Variants in DNAH5 observed in about 807,000 individuals in gnomAD.
DNAH5 encodes the protein axonemal beta dynein heavy chain 5.
Under a neutral mutation model 518.2 loss-of-function variants are expected in DNAH5, and 372 were observed. That is an observed-to-expected ratio of 0.72 (90% CI 0.66 to 0.78). DNAH5 has a LOEUF of 0.78. Ranked by LOEUF, DNAH5 falls within the 30% of genes least tolerant of loss-of-function variation. DNAH5 has a pLI of 0.00. For missense variants in DNAH5, 5,523 were observed against 5,687.0 expected (o/e 0.97, Z 0.93); for synonymous variants, 2,039 against 2,025.9 (o/e 1.01, Z -0.17).
Position 13,959,458 on chromosome 5 carries a change from C to G in DNAH5, c.13-28214G>C, listed in dbSNP as rs575213788. Among the ~76,000 whole-genome samples the G allele has an allele frequency of 5.3e-5, 8 of 152,330 alleles. No homozygotes were observed. The East Asian group carries it at 1.4e-3, about 26-fold the overall frequency. On this transcript the variant is annotated intron_variant, in intron 1 of 78. Coordinates refer to the DNAH5 transcript ENST00000681290. ...CCCTCATCAGGCCAACTTGGCCAAA[C>G]CAGCCCCAAGTCAGAACCAGGCTTC... is the stretch of plus-strand genomic sequence containing the variant.
In DNAH5 at chr5:13,692,065, A is replaced by G; in HGVS notation, c.13794T>C (p.Ile4598=). 6.2e-7 allele frequency: 1 copy of G among 1,614,108 alleles called. No homozygotes were observed. Among genetic ancestry groups the G allele is most frequent in the Non-Finnish European group, 8.5e-7 (1 of 1,180,000 alleles). The change falls in exon 79 of 79, where the codon ATT becomes ATC. Residue 4598 remains isoleucine (I), a synonymous_variant. Transcript: ENST00000265104. ...GGGCTGTCCTGAGATCCACAGCGGC[A>G]ATGTAGTTCAAGTCCGTTCGAACTG... ...KKPVRTDLNY[I]AAVDLRTAQT...
chr5:13,746,874 T>C lies in DNAH5; in HGVS notation c.11211+4204A>G, dbSNP rs528129207. On this transcript the variant is annotated intron_variant, in intron 65 of 78. Transcript: ENST00000265104. ...TGAGAAAGTTTAAAACTATGTACTA[T>C]CCTTGTTTTTTTTTAATATATATTT... Among the ~76,000 whole-genome samples, 3 of 152,138 alleles carry C rather than the reference T, an allele frequency of 2.0e-5. No homozygotes were observed. In the South Asian group the frequency reaches 6.2e-4, roughly 32 times the overall value.
intron 27 of DNAH5, 37 bp from the exon 28 acceptor site, chr5:13,864,674 A>G (rs750976497): frequency 2.5e-6 from 4 of 1,613,300 alleles, no homozygotes; most frequent in Non-Finnish European, 3.4e-6. Flanking sequence ...CCATTGAAAT[A>G]TGATGGTAGA....
chr5:13,916,298 T>A (rs970449168), intron 9 of DNAH5, 50 bp downstream of exon 9: 24 of 1,058,234 alleles, frequency 2.3e-5, no homozygotes, highest in Non-Finnish European at 3.4e-5. Context: ...AAAAAATTGA[T>A]CACTGGCAAA....
intron 55 of DNAH5, chr5:13,771,377 A>T (rs937809404): frequency 4.0e-6 from 1 of 250,556 alleles, no homozygotes; most frequent in Non-Finnish European, 7.8e-6. Flanking sequence ...TGTCACTCAG[A>T]ACCTATCACA....
At chr5:13,902,351 T>A (rs944710115) in intron 12 of DNAH5, among the ~76,000 whole-genome samples, 30 of 152,244 alleles carry the variant, frequency 2.0e-4, no homozygotes, top group Admixed American at 1.3e-3. Context: ...TGGCGCCACG[T>A]CAGGTTCCAC....
intron 1 of DNAH5, among the ~76,000 whole-genome samples, chr5:13,973,196 C>A (rs1235992929): frequency 6.6e-6 from 1 of 152,056 alleles, no homozygotes; most frequent in Non-Finnish European, 1.5e-5. Flanking sequence ...CAGAGGGAGG[C>A]CAGGAGCCAA....
intron 21 of DNAH5, among the ~76,000 whole-genome samples, chr5:13,881,851 A>C (rs867539909): frequency 2.6e-5 from 4 of 152,054 alleles, no homozygotes; most frequent in South Asian, 4.1e-4. Flanking sequence ...CAAATGAAAT[A>C]GAAACTAGAA....
rs1178396979 is a variant in DNAH5, at chr5:13,769,526, T to C, written c.9695A>G (p.Gln3232Arg). 1 of 1,614,004 alleles carries C rather than the reference T, an allele frequency of 6.2e-7. No homozygotes were observed. Among genetic ancestry groups the C allele is most frequent in the Non-Finnish European group, 8.5e-7 (1 of 1,179,962 alleles). The change falls in exon 57 of 79, where the codon CAA (glutamine) becomes CGA (arginine). Residue 3232 changes from glutamine (Q) to arginine (R), a missense_variant. Physicochemically the swap from Gln to Arg is conservative, Grantham distance 43 (BLOSUM62 1). Coordinates refer to ENST00000265104, the MANE Select transcript of DNAH5 (RefSeq NM_001369.3). ...KELEAKEKEL[Q>R]VANDKADMVL... ...CATGTCGGCTTTATCGTTGGCCACT[T>C]GTAGCTCCTTTTCTTTCGCTTCCAG...
In DNAH5 at chr5:13,842,445, A is replaced by AGAGAGAGAGAGAGAG. The variant is rs1561407436; in HGVS notation, c.5272-542_5272-541insCTCTCTCTCTCTCTC. Reference sequence around the variant, plus strand: ...AAGAAAAGAAAGAAAGAAAGAAAGAAAGAAAGAAAGAAAGAAAGAAAGAAA... The same window carrying AGAGAGAGAGAGAGAG: ...AAGAAAAGAAAGAAAGAAAGAAAGAAGAGAGAGAGAGAGAGAGAAAGAAAGAAAGAAAGAAAGAAA... On this transcript the variant is annotated intron_variant, in intron 32 of 78. Coordinates refer to ENST00000265104, the MANE Select transcript of DNAH5 (RefSeq NM_001369.3). Among the ~76,000 whole-genome samples the AGAGAGAGAGAGAGAG allele has an allele frequency of 3.7e-4, 36 of 97,802 alleles. 2 individuals carry two copies. The highest frequency in any genetic ancestry group is 1.5e-3 in the African/African-American group (31 of 21,330). 64.2% of individuals were successfully genotyped at this position (97,802 alleles called of 152,430 possible).
At chr5:13,899,510 C>T (rs191602147) in intron 15 of DNAH5, 2 of 152,458 alleles carry the variant, frequency 1.3e-5, no homozygotes, top group African/African-American at 4.8e-5. Flanking sequence ...ACTGCATGGA[C>T]AACACTGCCA....
chr5:13,739,337 T>C (rs1009168337), intron 65 of DNAH5, among the ~76,000 whole-genome samples: 1 of 152,216 alleles, frequency 6.6e-6, no homozygotes, highest in Admixed American at 6.5e-5. Flanking sequence ...TCTCACAAGA[T>C]CTGATGGTTT....
chr5:13,842,506 G>A lies in DNAH5; in HGVS notation c.5272-602C>T, dbSNP rs59175092. Among the ~76,000 whole-genome samples, 83 of 88,036 alleles carry A rather than the reference G, an allele frequency of 9.4e-4. 9 individuals carry two copies. Among genetic ancestry groups the A allele is most frequent in the African/African-American group, 3.7e-3 (75 of 20,156 alleles). The allele number at this position is 88,036 out of a possible 152,430, so 57.8% of individuals were successfully genotyped here. A position where few individuals can be genotyped will look rare whatever the true frequency, so the allele number is the denominator to read the frequency against. On this transcript the variant is annotated intron_variant, in intron 32 of 78. Coordinates refer to ENST00000265104, the MANE Select transcript of DNAH5 (RefSeq NM_001369.3). ...AAGAGAAAGAAAAGAAAGAAAGAAA[G>A]AAAAAGAAAGAAATCAATTCCAAAT...
rs563609716 is a variant in DNAH5, at chr5:13,963,567, G to C, written c.13-32323C>G. Reference sequence around the variant, plus strand: ...GCACCCAGCCTGGGCAACAAAGCGAGACTCTATCTCAAAATAAATAAATAA... The same window carrying C: ...GCACCCAGCCTGGGCAACAAAGCGACACTCTATCTCAAAATAAATAAATAA... On this transcript the variant is annotated intron_variant, in intron 1 of 78. Coordinates refer to the DNAH5 transcript ENST00000681290. Among the ~76,000 whole-genome samples, 83 of 138,874 alleles carry C rather than the reference G, an allele frequency of 6.0e-4. 1 individual carries two copies. The highest frequency in any genetic ancestry group is 2.3e-3 in the African/African-American group (82 of 35,346). 91.1% of individuals were successfully genotyped at this position (138,874 alleles called of 152,430 possible).
chr5:13,881,888 A>G (rs1771724322), intron 21 of DNAH5, among the ~76,000 whole-genome samples: 1 of 152,070 alleles, frequency 6.6e-6, no homozygotes, highest in Non-Finnish European at 1.5e-5. Flanking sequence ...CAACAAAACA[A>G]AAAGTTGGTT....
chr5:13,860,520 G>A (rs530426964), intron 29 of DNAH5: 18 of 152,272 alleles, frequency 1.2e-4, no homozygotes, highest in African/African-American at 2.4e-4. Context: ...TATCTGGTAC[G>A]TTGCAAAGAT....
chr5:13,883,136 C>A (rs749559893), intron 19 of DNAH5, 42 bp from the exon 20 acceptor site: 2 of 1,598,388 alleles, frequency 1.3e-6, no homozygotes, highest in East Asian at 2.2e-5. Flanking sequence ...ATTTTTAATA[C>A]AAAATAAGAT....
chr5:13,978,006 C>G (rs1782393184), intron 1 of DNAH5, among the ~76,000 whole-genome samples: 1 of 152,168 alleles, frequency 6.6e-6, no homozygotes, highest in Admixed American at 6.5e-5. Context: ...ATATAAGCTC[C>G]ATGGGGGACT....
chr5:13,693,637 C>G (rs1264717423), intron 78 of DNAH5, among the ~76,000 whole-genome samples: 1 of 152,202 alleles, frequency 6.6e-6, no homozygotes, highest in East Asian at 1.9e-4. Context: ...CTGACATCTT[C>G]AGGAATAGAG....
Sources: gnomAD v4.1 joint callset for allele counts (sites outside exome capture counted in the v4.1 genomes callset) on GRCh38, gnomAD v4.1.1 for gene constraint, MANE v1.5 for transcripts, NCBI Gene and HGNC (gene_info 2026-07-23, HGNC 2026-07-21) for gene names.